SNTG1: variants seen among roughly 807,000 people sequenced by gnomAD.
SNTG1 encodes gamma-1-syntrophin.
Under a neutral mutation model 74.7 loss-of-function variants are expected in SNTG1, and 39 were observed. That is an observed-to-expected ratio of 0.52 (90% CI 0.40 to 0.68). The LOEUF is 0.68. SNTG1 is among the 30% of genes least tolerant of loss of function. The pLI is 0.00. For synonymous variants in SNTG1, 254 were observed against 217.1 expected, an observed-to-expected ratio of 1.17 and a Z score of -1.49; for missense variants, 685 against 609.5, an observed-to-expected ratio of 1.12 and a Z score of -1.30.
chr8:50,552,980 G>A, intron 11 of SNTG1, 70 bp from the exon 12 acceptor site: 1 of 1,564,560 alleles, frequency 6.4e-7, no homozygotes, highest in Non-Finnish European at 8.7e-7. Flanking sequence ...CTTTTCAACA[G>A]ATACTATTAC....
intron 8 of SNTG1, among the ~76,000 whole-genome samples, chr8:50,501,668 G>A (rs551639869): frequency 6.7e-6 from 1 of 149,918 alleles, no homozygotes; most frequent in South Asian, 2.1e-4. Flanking sequence ...ATTTTGGCTA[G>A]GCTGGTCTCG....
At chr8:50,054,506 T>C (rs905209905) in intron 1 of SNTG1, among the ~76,000 whole-genome samples, 1 of 152,112 alleles carries the variant, frequency 6.6e-6, no homozygotes, top group African/African-American at 2.4e-5. Flanking sequence ...GAACAAACCA[T>C]AAACTCTTTC....
intron 2 of SNTG1, among the ~76,000 whole-genome samples, chr8:50,212,055 G>A (rs945076894): frequency 1.3e-5 from 2 of 151,956 alleles, no homozygotes; most frequent in South Asian, 4.1e-4. Context: ...ATACTATCAC[G>A]CATTTTGGCA....
chr8:50,339,352 T>TA (rs1401879998), intron 2 of SNTG1, among the ~76,000 whole-genome samples: 2 of 151,904 alleles, frequency 1.3e-5, no homozygotes, highest in Admixed American at 1.3e-4. Flanking sequence ...ATGTATACAT[T>TA]AAAAAAGAGA....
intron 9 of SNTG1, among the ~76,000 whole-genome samples, chr8:50,505,511 T>G (rs1282015198): frequency 2.0e-5 from 3 of 152,162 alleles, no homozygotes; most frequent in Admixed American, 2.0e-4. Flanking sequence ...TTCTGTTTTT[T>G]TGCTTTGTTT....
intron 1 of SNTG1, among the ~76,000 whole-genome samples, chr8:49,942,254 A>C (rs115724659): frequency 6.6e-6 from 1 of 152,178 alleles, no homozygotes; most frequent in Non-Finnish European, 1.5e-5. Context: ...AAGTAACACA[A>C]CTTTCATTTG....
intron 1 of SNTG1, among the ~76,000 whole-genome samples, chr8:50,054,617 TTTAAC>T (rs1819870408): frequency 6.6e-6 from 1 of 152,112 alleles, no homozygotes; most frequent in South Asian, 2.1e-4. Context: ...GTATACAATT[TTTAAC>T]CTGGTGATCG....
intron 5 of SNTG1, among the ~76,000 whole-genome samples, chr8:50,444,559 G>C (rs1379199948): frequency 6.6e-6 from 1 of 152,004 alleles, no homozygotes; most frequent in Non-Finnish European, 1.5e-5. Flanking sequence ...AGACCATCCT[G>C]GCCAACATGG....
intron 1 of SNTG1, among the ~76,000 whole-genome samples, chr8:49,961,183 T>A (rs1563399369): frequency 6.6e-6 from 1 of 152,126 alleles, no homozygotes; most frequent in East Asian, 1.9e-4. Flanking sequence ...ACTATTTTTA[T>A]CCCCCCTCAG....
chr8:50,419,232 A>C (rs1287490640), intron 4 of SNTG1, among the ~76,000 whole-genome samples: 1 of 152,110 alleles, frequency 6.6e-6, no homozygotes, highest in Non-Finnish European at 1.5e-5. Context: ...CAAGAAAATA[A>C]ATTCTTCCAA....
At chr8:49,919,427 A>G (rs16913881) in intron 1 of SNTG1, among the ~76,000 whole-genome samples, 4,916 of 152,218 alleles carry the variant, frequency 0.032, 236 homozygotes, top group African/African-American at 0.1. Flanking sequence ...ATAGAAAAGA[A>G]CAACACTTGT....
chr8:50,029,985 A>G (rs187244623), intron 1 of SNTG1, among the ~76,000 whole-genome samples: 155 of 152,164 alleles, frequency 1.0e-3, no homozygotes, highest in South Asian at 4.4e-3. Context: ...AGGGTTCCCC[A>G]TTCTTGACAT....
chr8:49,984,768 A>G (rs909443662), intron 1 of SNTG1, among the ~76,000 whole-genome samples: 1 of 152,176 alleles, frequency 6.6e-6, no homozygotes, highest in African/African-American at 2.4e-5. Context: ...CATGCTAAGT[A>G]TAGTTTAAGG....
Position 50,708,964 on chromosome 8 carries a change from G to C in SNTG1, c.1270G>C (p.Asp424His). 6.2e-7 allele frequency: 1 copy of C among 1,613,400 alleles called. No individual in the cohort carries two copies. The highest frequency in any genetic ancestry group is 8.5e-7 in the Non-Finnish European group (1 of 1,179,554). The change falls in exon 17 of 19, where the codon GAT becomes CAT. Residue 424 changes from aspartate to histidine, a missense_variant. Transcript: ENST00000642720. ...IDFSTGFICF[D>H]AATKAVLWRY... ...TTTCAGCACAGGATTTATCTGCTTT[G>C]ATGCTGCAACAAAGGTAATGTGTTC...
At chr8:50,427,765 G>A (rs2093181936) in intron 4 of SNTG1, among the ~76,000 whole-genome samples, 1 of 151,640 alleles carries the variant, frequency 6.6e-6, no homozygotes, top group Non-Finnish European at 1.5e-5. Context: ...AATATTCTCA[G>A]AACAAATTTA....
intron 2 of SNTG1, among the ~76,000 whole-genome samples, chr8:50,385,198 G>A (rs1187142379): frequency 6.6e-5 from 10 of 152,142 alleles, no homozygotes; most frequent in South Asian, 2.1e-4. Flanking sequence ...TGGACCTGAC[G>A]CAGAATCTTC....
chr8:50,531,414 T>A (rs1303029202), intron 10 of SNTG1, among the ~76,000 whole-genome samples: 1 of 152,040 alleles, frequency 6.6e-6, no homozygotes, highest in Non-Finnish European at 1.5e-5. Flanking sequence ...TGACTTAAAG[T>A]TTATGAGGAA....
At chr8:50,356,364 G>A (rs1587289093) in intron 2 of SNTG1, among the ~76,000 whole-genome samples, 1 of 152,116 alleles carries the variant, frequency 6.6e-6, no homozygotes, top group South Asian at 2.1e-4. Context: ...GTTGTGGACA[G>A]AACCAGGGAT....
intron 12 of SNTG1, among the ~76,000 whole-genome samples, chr8:50,556,513 C>T (rs746466952): frequency 3.3e-5 from 5 of 151,868 alleles, no homozygotes; most frequent in Non-Finnish European, 5.9e-5. Context: ...AATAATTTAC[C>T]AATTTTTTAT....
Sources: gnomAD v4.1 joint callset for allele counts (sites outside exome capture counted in the v4.1 genomes callset) on GRCh38, gnomAD v4.1.1 for gene constraint, MANE v1.5 for transcripts, NCBI Gene and HGNC (gene_info 2026-07-23, HGNC 2026-07-21) for gene names.